ITGB1: variants seen among roughly 807,000 people sequenced by gnomAD.
ITGB1 encodes the protein integrin beta-1.
A neutral mutation model predicts 86.5 loss-of-function variants in ITGB1; 24 were observed. The observed-to-expected ratio is 0.28, with a 90% CI of 0.20 to 0.39. The LOEUF is 0.39. Ranked by LOEUF, ITGB1 falls within the 10% of genes least tolerant of loss-of-function variation. The pLI is 1.00. For synonymous variants in ITGB1, 323 were observed against 316.8 expected, an observed-to-expected ratio of 1.02 and a Z score of -0.21; for missense variants, 556 against 946.9, an observed-to-expected ratio of 0.59 and a Z score of 5.42.
intron 1 of ITGB1, among the ~76,000 whole-genome samples, chr10:32,946,268 C>T (rs566682031): frequency 1.6e-4 from 24 of 152,254 alleles, no homozygotes; most frequent in African/African-American, 5.5e-4. Flanking sequence ...GGCATGCCTG[C>T]GGAATGTTCC....
intron 12 of ITGB1, 68 bp from the exon 13 acceptor site, chr10:32,911,738 A>C: frequency 6.5e-7 from 1 of 1,539,668 alleles, no homozygotes; most frequent in Non-Finnish European, 9.0e-7. Flanking sequence ...TGAAAAGTAA[A>C]ATAAGCAACA....
rs148060208 is a variant in ITGB1 at position 32,905,231 on chromosome 10, G to A, written c.2331+3137C>T. Among the ~76,000 whole-genome samples, 946 of 152,060 alleles carry A rather than the reference G, an allele frequency of 6.2e-3. 2 individuals are homozygous for A. Among genetic ancestry groups the A allele is most frequent in the Non-Finnish European group, 1.0e-2 (678 of 67,964 alleles). ...TCAAATTTAACTTTAAAAATCTTAC[G>A]GTCTACTTAGAAATAAAAATCTGAC... is the stretch of plus-strand genomic sequence containing the variant. On this transcript the variant is annotated intron_variant, in intron 15 of 15. Transcript: ENST00000302278.
At chr10:32,939,164 G>A (rs1226257268) in intron 1 of ITGB1, among the ~76,000 whole-genome samples, 3 of 152,196 alleles carry the variant, frequency 2.0e-5, no homozygotes, top group Non-Finnish European at 4.4e-5. Context: ...GACTCCAGGT[G>A]ATTCTTATGC....
chr10:32,932,776 A>T (rs2094988015), intron 2 of ITGB1, 176 bp from the exon 3 acceptor site: 2 of 501,796 alleles, frequency 4.0e-6, no homozygotes, highest in South Asian at 2.2e-5. Flanking sequence ...TTAATTTTTA[A>T]TTTTTGTGGG....
chr10:32,930,466 G>A (rs184783874), intron 3 of ITGB1, among the ~76,000 whole-genome samples: 247 of 152,152 alleles, frequency 1.6e-3, no homozygotes, highest in African/African-American at 4.8e-3. Flanking sequence ...TCTCCCCATC[G>A]CAATATGCTG....
Position 32,919,884 on chromosome 10 carries a change from C to T in ITGB1, c.1469+1G>A. ...TCACTGTCTGACAACACCCAGCTTA[C>T]CTGCACGCGCCACACTCAAATGTCC... On this transcript the variant is annotated splice_donor_variant, in intron 11 of 15. Transcript: ENST00000302278. LOFTEE classifies it high-confidence loss of function. The T allele has an allele frequency of 6.2e-7, 1 of 1,613,920 alleles. No homozygotes were observed. The highest frequency in any genetic ancestry group is 1.1e-5 in the South Asian group (1 of 91,082).
intron 2 of ITGB1, among the ~76,000 whole-genome samples, chr10:32,933,058 T>G (rs1243030378): frequency 6.6e-6 from 1 of 152,072 alleles, no homozygotes; most frequent in Non-Finnish European, 1.5e-5. Context: ...CTCCCCACCT[T>G]CTCACTACCC....
intron 3 of ITGB1, among the ~76,000 whole-genome samples, chr10:32,931,786 T>TA (rs757925063): frequency 4.1e-4 from 63 of 152,300 alleles, no homozygotes; most frequent in Middle Eastern, 3.4e-3. Context: ...GATCTTCTGA[T>TA]ATTAGTTATT....
intron 1 of ITGB1, among the ~76,000 whole-genome samples, chr10:32,948,045 T>C (rs1229657111): frequency 6.6e-6 from 1 of 151,736 alleles, no homozygotes; most frequent in Non-Finnish European, 1.5e-5. Flanking sequence ...ACCAGAAAAC[T>C]GACTGGATCC....
chr10:32,918,417 T>A (rs2094938690), intron 11 of ITGB1, among the ~76,000 whole-genome samples: 3 of 151,524 alleles, frequency 2.0e-5, no homozygotes, highest in Non-Finnish European at 2.9e-5. Flanking sequence ...GGAAAGAAAA[T>A]AAAACTATAA....
In ITGB1 at chr10:32,956,011, ATTCTTTGTCC is replaced by A. The variant is rs2095051469; in HGVS notation, c.-1+2124_-1+2133del. ...TTTACAGAATTAAAGTATTAACCACATTCTTTGTCCTTTTAACTAGCATTCTAATAACATC... is the reference window on the plus strand; with the variant it reads ...TTTACAGAATTAAAGTATTAACCACATTTTAACTAGCATTCTAATAACATC... On this transcript the variant is annotated intron_variant, in intron 1 of 15. Coordinates refer to ENST00000302278, the MANE Select transcript of ITGB1 (RefSeq NM_002211.4). 5.3e-5 allele frequency among the ~76,000 whole-genome samples: 8 copies of A among 152,336 alleles called. No homozygotes were observed. In the South Asian group the frequency reaches 1.7e-3, roughly 32 times the overall value.
intron 4 of ITGB1, among the ~76,000 whole-genome samples, chr10:32,928,692 TCTTTA>T (rs1406296958): frequency 2.6e-5 from 4 of 152,086 alleles, no homozygotes; most frequent in Non-Finnish European, 5.9e-5. Context: ...CATGATCCGA[TCTTTA>T]CTTTAGAAAG....
chr10:32,928,400 G>A, intron 4 of ITGB1, 136 bp from the exon 5 acceptor site: 1 of 545,138 alleles, frequency 1.8e-6, no homozygotes, highest in East Asian at 2.9e-5. Context: ...CAAAAACCTG[G>A]GAATTCCATA....
chr10:32,919,018 A>C (rs1051890546), intron 11 of ITGB1, among the ~76,000 whole-genome samples: 5 of 152,248 alleles, frequency 3.3e-5, no homozygotes, highest in African/African-American at 4.8e-5. Flanking sequence ...AAGTATTTTC[A>C]AGATAATCTT....
chr10:32,954,918 C>T (rs1487895046), intron 1 of ITGB1, among the ~76,000 whole-genome samples: 1 of 152,168 alleles, frequency 6.6e-6, no homozygotes, highest in Non-Finnish European at 1.5e-5. Context: ...AACTCACAGC[C>T]ACTTTTAAAA....
intron 1 of ITGB1, among the ~76,000 whole-genome samples, chr10:32,942,564 C>G (rs913621599): frequency 6.6e-6 from 1 of 152,170 alleles, no homozygotes; most frequent in African/African-American, 2.4e-5. Context: ...AAAGTCCATG[C>G]TCAAAACTCT....
chr10:32,941,208 T>C (rs1258936311), intron 1 of ITGB1, among the ~76,000 whole-genome samples: 1 of 152,186 alleles, frequency 6.6e-6, no homozygotes, highest in Non-Finnish European at 1.5e-5. Flanking sequence ...CGAATTATAA[T>C]AACTCCTTCC....
intron 2 of ITGB1, among the ~76,000 whole-genome samples, chr10:32,934,249 A>G (rs1285292895): frequency 6.6e-6 from 1 of 152,136 alleles, no homozygotes; most frequent in Non-Finnish European, 1.5e-5. Flanking sequence ...GGGGGAAAAA[A>G]GTGTCTGTAC....
At chr10:32,946,853 C>CTTT (rs201958296) in intron 1 of ITGB1, among the ~76,000 whole-genome samples, 34 of 138,640 alleles carry the variant, frequency 2.5e-4, no homozygotes, top group African/African-American at 6.0e-4. Flanking sequence ...GTAAAGACTT[C>CTTT]TTTTTTTTTT....
Sources: allele counts gnomAD v4.1 joint callset (sites outside exome capture counted in the v4.1 genomes callset), GRCh38; gene constraint gnomAD v4.1.1; transcripts MANE v1.5; gene names NCBI Gene and HGNC (gene_info 2026-07-23, HGNC 2026-07-21).